Variants in COL4A6 observed in about 807,000 individuals in gnomAD.
COL4A6 encodes collagen alpha-6(IV) chain.
In COL4A6, 59 loss-of-function variants were observed where a neutral mutation model predicts 126.7. The ratio of observed to expected loss-of-function variants is 0.47; its 90% confidence interval spans 0.38 to 0.58. The LOEUF (loss-of-function observed/expected upper bound fraction) is 0.58, where lower values mean the gene tolerates loss of function less well. Ranked by LOEUF, COL4A6 falls within the 20% of genes least tolerant of loss-of-function variation. COL4A6 has a pLI of 0.00. For synonymous variants in COL4A6, 547 were observed against 496.6 expected (o/e 1.10, Z -1.35); for missense variants, 1,285 against 1,337.3 (o/e 0.96, Z 0.61).
At chrX:108,361,534 A>C (rs1353989386) in intron 2 of COL4A6, among the ~76,000 whole-genome samples, 2 of 111,864 alleles carry the variant, frequency 1.8e-5, no homozygotes, top group Non-Finnish European at 1.9e-5. Context: ...CAAGAGAGGA[A>C]GCCCTCTCTC....
At chrX:108,405,272 C>T (rs1337119412) in intron 2 of COL4A6, among the ~76,000 whole-genome samples, 1 of 109,477 alleles carries the variant, frequency 9.1e-6, no homozygotes, top group Non-Finnish European at 1.9e-5. Flanking sequence ...GATCTCGGCT[C>T]ACTGCAACCT....
At position 108,214,117 on chromosome X, in the gene COL4A6, G is replaced by A. The variant is rs1430475330; in HGVS notation, c.436C>T (p.Pro146Ser). Reference protein sequence around the residue: ...GPDGYPGLLGPPGLPGQKGSK... With the variant: ...GPDGYPGLLGSPGLPGQKGSK... ...GCAAATATCTGGCAGCATACGGGTG[G>A]TCCGAGAAGCCCAGGATAGCCATCA... The change falls in exon 6 of 45, where the codon CCA (proline) becomes TCA (serine). Residue 146 changes from proline to serine, a missense_variant. Pro to Ser is a moderately conservative substitution (Grantham distance 74, BLOSUM62 -1). Coordinates refer to ENST00000334504, the MANE Select transcript of COL4A6 (RefSeq NM_033641.4). 3.3e-6 allele frequency: 4 copies of A among 1,201,442 alleles called. No homozygotes were observed. In the African/African-American group the frequency reaches 7.0e-5, roughly 21 times the overall value.
chrX:108,268,914 G>T (rs1054786363), intron 3 of COL4A6: 1 of 229,678 alleles, frequency 4.4e-6, no homozygotes. Context: ...TAAGGGCAAT[G>T]ATCATTCTTT....
Position 108,194,517 on chromosome X carries a change from T to C in COL4A6, c.1002+17A>G, listed in dbSNP as rs1351399272. On this transcript the variant is annotated intron_variant, in intron 16 of 44. Coordinates refer to ENST00000334504, the MANE Select transcript of COL4A6 (RefSeq NM_033641.4). ...CTTCTACCTACCAACCCTGGATTTT[T>C]CACTTCCCAACATTACCTCAATTCC... 1 of 1,201,667 alleles carries C rather than the reference T, an allele frequency of 8.3e-7. No individual in the cohort carries two copies. The highest frequency in any genetic ancestry group is 1.8e-5 in the African/African-American group (1 of 56,964).
In COL4A6 at chrX:108,369,638, T is replaced by C. The variant is rs1244494588; in HGVS notation, c.64-58810A>G. ...GTGGGACCTCTGGAGTATTTCCAAA[T>C]TTCATGAAAGGTTTCCAGGTGAACC... On this transcript the variant is annotated intron_variant, in intron 2 of 44. Transcript: ENST00000334504. Among the ~76,000 whole-genome samples, 3 of 112,085 alleles carry C rather than the reference T, an allele frequency of 2.7e-5. No individual in the cohort carries two copies. The East Asian group carries it at 8.4e-4, about 31-fold the overall frequency.
At chrX:108,259,628 A>G (rs969557878) in intron 3 of COL4A6, among the ~76,000 whole-genome samples, 8 of 111,747 alleles carry the variant, frequency 7.2e-5, no homozygotes, top group African/African-American at 2.6e-4. Context: ...AAATAAGAGG[A>G]TTAAGGTTGA....
intron 3 of COL4A6, among the ~76,000 whole-genome samples, chrX:108,225,416 A>G (rs2036141736): frequency 8.9e-6 from 1 of 112,964 alleles, no homozygotes. Context: ...AAATAGACCC[A>G]GACAGGGCAG....
intron 3 of COL4A6, among the ~76,000 whole-genome samples, chrX:108,243,024 T>A (rs2036616020): frequency 9.0e-6 from 1 of 111,577 alleles, no homozygotes; most frequent in African/African-American, 3.3e-5. Flanking sequence ...CTGTCCTGTG[T>A]CTACAAATCG....
At chrX:108,297,670 C>T (rs1458789227) in intron 3 of COL4A6, among the ~76,000 whole-genome samples, 1 of 111,491 alleles carries the variant, frequency 9.0e-6, no homozygotes, top group Non-Finnish European at 1.9e-5. Context: ...AACCACTGCC[C>T]TTACTTGTAT....
intron 3 of COL4A6, among the ~76,000 whole-genome samples, chrX:108,248,511 G>A (rs1201903487): frequency 9.1e-6 from 1 of 109,792 alleles, no homozygotes; most frequent in Non-Finnish European, 1.9e-5. Context: ...TTCAAGGCTC[G>A]AGGAAAAATC....
At chrX:108,240,171 A>T (rs1043276195) in intron 3 of COL4A6, among the ~76,000 whole-genome samples, 7 of 111,546 alleles carry the variant, frequency 6.3e-5, no homozygotes, top group Non-Finnish European at 1.3e-4. Flanking sequence ...TGAACCCGGG[A>T]GGCAGAGGCT....
chrX:108,323,877 G>T (rs1273695538), intron 2 of COL4A6, among the ~76,000 whole-genome samples: 2 of 111,775 alleles, frequency 1.8e-5, no homozygotes, highest in Non-Finnish European at 3.8e-5. Context: ...ATTATTTCAG[G>T]TGATTGAGCT....
chrX:108,413,319 T>C (rs1337885836), intron 2 of COL4A6, among the ~76,000 whole-genome samples: 1 of 112,191 alleles, frequency 8.9e-6, no homozygotes, highest in African/African-American at 3.2e-5. Context: ...ATGGATTGTC[T>C]GGCTTACAGA....
chrX:108,422,093 G>A (rs1048989627), intron 2 of COL4A6, among the ~76,000 whole-genome samples: 5 of 111,923 alleles, frequency 4.5e-5, no homozygotes, highest in East Asian at 5.6e-4. Context: ...AAAACAAAAC[G>A]GGCCTGGTGC....
intron 11 of COL4A6, 58 bp from the exon 12 acceptor site, chrX:108,204,470 A>G (rs771813077): frequency 9.8e-7 from 1 of 1,024,429 alleles, no homozygotes; most frequent in South Asian, 1.9e-5. Context: ...GTTTTTCCAG[A>G]GTGGGGGTTT....
intron 15 of COL4A6, 29 bp from the exon 16 acceptor site, chrX:108,194,616 T>C (rs1306681566): frequency 8.5e-7 from 1 of 1,179,092 alleles, no homozygotes; most frequent in Non-Finnish European, 1.2e-6. Context: ...TACCACTAAG[T>C]GGAAAGTATG....
At chrX:108,410,741 A>G (rs2041309412) in intron 2 of COL4A6, among the ~76,000 whole-genome samples, 1 of 111,535 alleles carries the variant, frequency 9.0e-6, no homozygotes, top group Admixed American at 9.6e-5. Flanking sequence ...ATTTTAGAGT[A>G]CCCAAAGACT....
At chrX:108,367,511 G>A (rs1192026894) in intron 2 of COL4A6, among the ~76,000 whole-genome samples, 2 of 111,808 alleles carry the variant, frequency 1.8e-5, no homozygotes, top group Admixed American at 9.5e-5. Flanking sequence ...ATTATATAGA[G>A]CCAAAGCAGA....
chrX:108,383,719 T>C (rs2040616452), intron 2 of COL4A6: 3 of 511,606 alleles, frequency 5.9e-6, no homozygotes, highest in Admixed American at 5.5e-5. Context: ...TAGTTGGAGA[T>C]ATAAGGTATC....
Sources: gnomAD v4.1 joint callset for allele counts (sites outside exome capture counted in the v4.1 genomes callset) on GRCh38, gnomAD v4.1.1 for gene constraint, MANE v1.5 for transcripts, NCBI Gene and HGNC (gene_info 2026-07-23, HGNC 2026-07-21) for gene names.